The following PRKDC variants were observed in gnomAD, a reference collection of about 807,000 sequenced individuals.
PRKDC encodes protein kinase, DNA-activated, catalytic subunit.
Under a neutral mutation model 486.9 loss-of-function variants are expected in PRKDC, and 82 were observed. That is an observed-to-expected ratio of 0.17 (90% CI 0.14 to 0.20). PRKDC has a LOEUF of 0.20. PRKDC is among the 10% of genes least tolerant of loss of function. The pLI, the probability that PRKDC is intolerant of heterozygous loss-of-function variation, is 1.00. For synonymous variants in PRKDC, 1,895 were observed against 1,837.0 expected, an observed-to-expected ratio of 1.03 and a Z score of -0.81; for missense variants, 4,504 against 5,038.2, an observed-to-expected ratio of 0.89 and a Z score of 3.21.
chr8:47,830,323 T>C (rs1293053102), intron 61 of PRKDC, among the ~76,000 whole-genome samples: 1 of 152,204 alleles, frequency 6.6e-6, no homozygotes, highest in East Asian at 1.9e-4. Flanking sequence ...TATGCTCCCT[T>C]TGTTCAGACA....
intron 36 of PRKDC, 133 bp downstream of exon 36, chr8:47,885,811 C>G: frequency 1.2e-6 from 1 of 839,440 alleles, no homozygotes; most frequent in Non-Finnish European, 1.9e-6. Context: ...AGAATCGCTT[C>G]AATCTGGGAT....
chr8:47,915,465 G>T, intron 22 of PRKDC, 47 bp from the exon 23 acceptor site: 1 of 1,155,876 alleles, frequency 8.7e-7, no homozygotes, highest in Non-Finnish European at 1.2e-6. Flanking sequence ...ATGGGTTAAA[G>T]ATTAAATAGA....
In PRKDC at chr8:47,934,664, C is replaced by T. The variant is rs1222241860; in HGVS notation, c.1497+345G>A. Among the ~76,000 whole-genome samples the T allele has an allele frequency of 4.6e-5, 7 of 152,342 alleles. No homozygotes were observed. The East Asian group carries it at 1.3e-3, about 29-fold the overall frequency. On this transcript the variant is annotated intron_variant, in intron 14 of 85. Transcript: ENST00000314191. Reference sequence around the variant, plus strand: ...GTGCTATCATCATTTATCTTGCTTTCGTACATAGTTCAATCTTTCATCTCA... The same window carrying T: ...GTGCTATCATCATTTATCTTGCTTTTGTACATAGTTCAATCTTTCATCTCA...
intron 52 of PRKDC, among the ~76,000 whole-genome samples, chr8:47,850,801 T>C (rs975590352): frequency 6.6e-6 from 1 of 152,186 alleles, no homozygotes; most frequent in African/African-American, 2.4e-5. Flanking sequence ...TGCGAGCCTC[T>C]CTTACTGACT....
At chr8:47,783,168 T>C (rs745367250) in intron 78 of PRKDC, among the ~76,000 whole-genome samples, 2 of 150,610 alleles carry the variant, frequency 1.3e-5, no homozygotes, top group African/African-American at 2.4e-5. Context: ...TCCCAGCTAC[T>C]AGGGAGGCTG....
chr8:47,872,562 T>A (rs2088979206), intron 40 of PRKDC, among the ~76,000 whole-genome samples: 1 of 143,980 alleles, frequency 6.9e-6, no homozygotes, highest in African/African-American at 2.6e-5. Context: ...CCTATAAACA[T>A]CCACACAGAT....
At chr8:47,844,613 T>C (rs2154500025) in intron 54 of PRKDC, among the ~76,000 whole-genome samples, 1 of 152,232 alleles carries the variant, frequency 6.6e-6, no homozygotes, top group East Asian at 1.9e-4. Flanking sequence ...TGGAACATAC[T>C]CTAAGATCAA....
chr8:47,938,838 G>A (rs2090394890), intron 11 of PRKDC, among the ~76,000 whole-genome samples: 1 of 152,146 alleles, frequency 6.6e-6, no homozygotes, highest in South Asian at 2.1e-4. Context: ...GTGAGATGGT[G>A]AGATTACAGG....
chr8:47,818,578 CAAAAAAAAAA>C (rs1174698261), intron 67 of PRKDC, among the ~76,000 whole-genome samples: 2 of 36,118 alleles, frequency 5.5e-5, no homozygotes, highest in Non-Finnish European at 1.3e-4. Context: ...GACTCCGTCT[CAAAAAAAAAA>C]AAAAAAAAAA....
rs2089708687 is a variant in PRKDC at position 47,902,647 on chromosome 8, T to C, written c.3191A>G (p.Tyr1064Cys). Residue 1064 changes from tyrosine (Y) to cysteine (C), a missense_variant, in exon 27 of 86, where the codon TAT (tyrosine) becomes TGT (cysteine). Around this residue, in one of 6 missense-constraint regions of PRKDC, gnomAD observed 1,969 missense variants for 2,068.9 expected, o/e 0.95. Transcript: ENST00000314191. ...AGCATTGGGGTGAAGCGCAAGGCTA[T>C]AAAGTCGCTTGAAAAGCGATTTGGT... ...VNTKSLFKRL[Y>C]SLALHPNAFK... 1 of 1,613,734 alleles carries C rather than the reference T, an allele frequency of 6.2e-7. No homozygotes were observed. Among genetic ancestry groups the C allele is most frequent in the African/African-American group, 1.3e-5 (1 of 74,936 alleles).
intron 76 of PRKDC, among the ~76,000 whole-genome samples, chr8:47,786,723 CTTTTTTTTTTTTTTT>C (rs5891257): frequency 1.1e-3 from 99 of 88,260 alleles, no homozygotes; most frequent in African/African-American, 3.5e-3. Context: ...ATTATTTAAT[CTTTTTTTTTTTTTTT>C]TTTTTTTTTG....
intron 25 of PRKDC, among the ~76,000 whole-genome samples, chr8:47,909,785 G>A (rs2089862016): frequency 6.6e-6 from 1 of 152,076 alleles, no homozygotes; most frequent in Non-Finnish European, 1.5e-5. Flanking sequence ...ACTGAAATAT[G>A]GCCTTGTCTC....
In PRKDC at chr8:47,859,641, A is replaced by G. The variant is rs1176400844; in HGVS notation, c.6177T>C (p.Pro2059=). 5.6e-6 allele frequency: 9 copies of G among 1,613,482 alleles called. No homozygotes were observed. Among genetic ancestry groups the G allele is most frequent in the Non-Finnish European group, 6.8e-6 (8 of 1,179,774 alleles). The part of the protein sequence containing the change: ...VQSYSYSSQD[P]RPATGRFRRR... ...TCCGAAAACGACCAGTGGCAGGTCT[A>G]GGGTCTTGGGAGCTGTATGAATAGC... Residue 2059 remains proline (P), a synonymous_variant, in exon 46 of 86, where the codon CCT becomes CCC. Coordinates refer to ENST00000314191, the MANE Select transcript of PRKDC (RefSeq NM_006904.7).
chr8:47,862,369 C>CT lies in PRKDC; in HGVS notation c.5919+3dup. 1.2e-6 allele frequency: 2 copies of CT among 1,613,080 alleles called. No homozygotes were observed. The highest frequency in any genetic ancestry group is 1.7e-6 in the Non-Finnish European group (2 of 1,179,130). On this transcript the variant is annotated splice_donor_region_variant and intron_variant, in intron 43 of 85. Transcript: ENST00000314191. ...CAATAGTGCACACCGTAGGAGTGGC[C>CT]TACCTTTTCTGGTTTTTCACTAAAC...
intron 51 of PRKDC, among the ~76,000 whole-genome samples, chr8:47,853,059 T>A (rs968239727): frequency 2.0e-5 from 3 of 152,088 alleles, no homozygotes; most frequent in Non-Finnish European, 4.4e-5. Context: ...GACAGAAAGG[T>A]GCAGTGACAG....
At position 47,858,546 on chromosome 8, in the gene PRKDC, G is replaced by C. The variant is rs1387872546; in HGVS notation, c.6435C>G (p.Phe2145Leu). 3 of 1,537,768 alleles carry C rather than the reference G, an allele frequency of 2.0e-6. No homozygotes were observed. Among genetic ancestry groups the C allele is most frequent in the Admixed American group, 2.0e-5 (1 of 49,084 alleles). Residue 2145 changes from phenylalanine (F) to leucine (L), a missense_variant, in exon 48 of 86, where the codon TTC (phenylalanine) becomes TTG (leucine). Coordinates refer to ENST00000314191, the MANE Select transcript of PRKDC (RefSeq NM_006904.7). ...NPIVPLNIRL[F>L]LAKLVINTEE... Reference sequence around the variant, plus strand: ...CTGTATTAATAACAAGCTTGGCTAAGAAGAGACGGATATTTAATGGTACTA... The same window carrying C: ...CTGTATTAATAACAAGCTTGGCTAACAAGAGACGGATATTTAATGGTACTA...
chr8:47,959,824 T>C, intron 1 of PRKDC, 149 bp downstream of exon 1: 2 of 1,370,602 alleles, frequency 1.5e-6, no homozygotes, highest in Middle Eastern at 2.6e-4. Context: ...CAAATCCCTT[T>C]ATACACATAC....
intron 63 of PRKDC, 116 bp from the exon 64 acceptor site, chr8:47,824,112 A>C: frequency 9.4e-7 from 1 of 1,059,232 alleles, no homozygotes; most frequent in Non-Finnish European, 1.2e-6. Flanking sequence ...AAGAGACATA[A>C]AGTGTTACTT....
rs756082781 is a variant in PRKDC at position 47,933,166 on chromosome 8, T to C, written c.1630A>G (p.Ile544Val). The C allele has an allele frequency of 1.0e-4, 152 of 1,507,470 alleles. 1 individual carries two copies. Among genetic ancestry groups the C allele is most frequent in the South Asian group, 6.1e-4 (46 of 75,676 alleles). The allele number at this position is 1,507,470 out of a possible 1,614,324, so 93.4% of individuals were successfully genotyped here. The stretch of plus-strand genomic sequence containing the variant: ...GAGAAAAATGCTTCATCTGCTAAAA[T>C]AGAATCCTTTAAATAAAGAAAAACA... ...LLSSDQMMDS[I>V]LADEAFFSVN... is the part of the protein sequence containing the mutation. Residue 544 changes from isoleucine (I) to valine (V), a missense_variant, in exon 16 of 86, where the codon ATT (isoleucine) becomes GTT (valine). Physicochemically the swap from Ile to Val is conservative, Grantham distance 29. Transcript: ENST00000314191.
Sources: allele counts gnomAD v4.1 joint callset (sites outside exome capture counted in the v4.1 genomes callset), GRCh38; gene constraint gnomAD v4.1.1; regional missense constraint gnomAD v4.1.1; transcripts MANE v1.5; gene names NCBI Gene and HGNC (gene_info 2026-07-23, HGNC 2026-07-21).